The following AMDHD2 variants were observed in gnomAD, a reference collection of about 807,000 sequenced individuals.
The protein encoded by AMDHD2 is amidohydrolase domain containing 2.
Under a neutral mutation model 41.8 loss-of-function variants are expected in AMDHD2, and 24 were observed. The ratio of observed to expected loss-of-function variants is 0.57; its 90% CI spans 0.42 to 0.81. The LOEUF (loss-of-function observed/expected upper bound fraction) is 0.81. Ranked by LOEUF, AMDHD2 falls within the 30% of genes least tolerant of loss-of-function variation. The pLI, the probability that AMDHD2 is intolerant of heterozygous loss-of-function variation, is 0.00. For synonymous variants in AMDHD2, 332 were observed against 255.5 expected (o/e 1.30, Z -2.85); for missense variants, 540 against 588.5 (o/e 0.92, Z 0.85).
At position 2,531,181 on chromosome 16, in the gene AMDHD2, T is replaced by A; in HGVS notation, c.*1618T>A. 2 of 1,397,054 alleles carry A rather than the reference T, an allele frequency of 1.4e-6. No individual in the cohort carries two copies. The highest frequency in any genetic ancestry group is 1.9e-6 in the Non-Finnish European group (2 of 1,038,460). The allele number at this position is 1,397,054 out of a possible 1,614,324, so 86.5% of individuals were successfully genotyped here. On this transcript the variant is annotated 3_prime_UTR_variant, in exon 11 of 11. Coordinates refer to ENST00000293971, the MANE Select transcript of AMDHD2 (RefSeq NM_001330449.2). Reference sequence around the variant, plus strand: ...CAGCCTTTGGGCCTGGCCTGCCCCATTCACCGGCCAGCGCCCCACCTCCCT... The same window carrying A: ...CAGCCTTTGGGCCTGGCCTGCCCCAATCACCGGCCAGCGCCCCACCTCCCT...
Position 2,528,250 on chromosome 16 carries a change from C to T in AMDHD2, c.732C>T (p.Asp244=), listed in dbSNP as rs771282182. 5.6e-6 allele frequency: 9 copies of T among 1,612,166 alleles called. No homozygotes were observed. In the East Asian group the frequency reaches 2.0e-4, roughly 36 times the overall value. ...FNAMLPFHHR[D]PGIVGLLTSD... is the part of the protein sequence containing the mutation. ...CCCCTGCCCAGTTCCACCACCGCGA[C>T]CCAGGCATCGTGGGGCTCCTGACCA... Residue 244 remains aspartate (D), a synonymous_variant, in exon 7 of 11, where the codon GAC becomes GAT. Coordinates refer to ENST00000293971, the MANE Select transcript of AMDHD2 (RefSeq NM_001330449.2).
rs749283846 is a variant in AMDHD2, at chr16:2,527,964, C to T, written c.607C>T (p.Arg203Cys). 4.9e-5 allele frequency: 78 copies of T among 1,603,504 alleles called. No homozygotes were observed. The highest frequency in any genetic ancestry group is 6.4e-5 in the Non-Finnish European group (75 of 1,178,710). The change falls in exon 5 of 11, where the codon CGT becomes TGT. Residue 203 changes from arginine (R) to cysteine (C), a missense_variant. By Grantham distance (180) the Arg-to-Cys change is radical. Transcript: ENST00000293971. The surrounding 1 kb of genome is among the most constrained non-coding windows in gnomAD (Gnocchi z 6.1). ...CGAAGTGATCCGGGCGCTGACGGCC[C>T]GTGGCATCTGCGTGTCCCTAGGTGA... The part of the protein sequence containing the change: ...SHEVIRALTA[R>C]GICVSLGHSV...
chr16:2,521,951 A>AT (rs1295091232), intron 3 of AMDHD2, among the ~76,000 whole-genome samples: 1 of 151,328 alleles, frequency 6.6e-6, no homozygotes, highest in Non-Finnish European at 1.5e-5. Context: ...CGCCCGGCTA[A>AT]TTTTTTGTAT....
chr16:2,520,420 G>C lies in AMDHD2; in HGVS notation c.-39G>C. The C allele has an allele frequency of 8.2e-7, 1 of 1,223,004 alleles. No individual in the cohort carries two copies. Among genetic ancestry groups the C allele is most frequent in the East Asian group, 3.2e-5 (1 of 30,926 alleles). The allele number at this position is 1,223,004 out of a possible 1,614,324, so 75.8% of individuals were successfully genotyped here. On this transcript the variant is annotated 5_prime_UTR_variant, in exon 1 of 11. Transcript: ENST00000293971. ...TCACTGGGCGCGGGATTTGGCCGCC[G>C]CGGGGCTCCGGAGCCGCTCGCTCCC...
chr16:2,525,454 C>T (rs901079292), intron 3 of AMDHD2, among the ~76,000 whole-genome samples: 11 of 151,748 alleles, frequency 7.2e-5, no homozygotes, highest in Non-Finnish European at 2.9e-5. Context: ...GCAACCTCTG[C>T]CTCCTGGGTT....
Position 2,527,502 on chromosome 16 carries a change from G to T in AMDHD2, c.361-59G>T. The T allele has an allele frequency of 1.9e-6, 3 of 1,571,414 alleles. No individual in the cohort carries two copies. The highest frequency in any genetic ancestry group is 2.6e-6 in the Non-Finnish European group (3 of 1,153,242). The stretch of plus-strand genomic sequence containing the variant: ...ACCTGAGATCTCTGGCCTTGGCTAG[G>T]CTGTGGCCTCTGGGAATGGGCTGTG... On this transcript the variant is annotated intron_variant, in intron 3 of 10. Transcript: ENST00000293971. This position sits in a 1 kb window ranked among gnomAD's most constrained non-coding sequence, Gnocchi z 6.1.
chr16:2,528,519 G>A lies in AMDHD2; in HGVS notation c.930G>A (p.Gln310=), dbSNP rs768507444. The stretch of plus-strand genomic sequence containing the variant: ...GCAACGGCCGGCACACGCTGGGACA[G>A]CAGGAAGTGGAAGTGGACGGTCTGA... ...GLGNGRHTLG[Q]QEVEVDGLTA... The change falls in exon 8 of 11, where the codon CAG becomes CAA. Residue 310 remains glutamine, a synonymous_variant. Coordinates refer to ENST00000293971, the MANE Select transcript of AMDHD2 (RefSeq NM_001330449.2). The A allele has an allele frequency of 5.0e-6, 8 of 1,612,864 alleles. No individual in the cohort carries two copies. The highest frequency in any genetic ancestry group is 4.4e-5 in the South Asian group (4 of 91,068).
chr16:2,520,730 C>T, intron 1 of AMDHD2, 39 bp from the exon 2 acceptor site: 1 of 1,500,190 alleles, frequency 6.7e-7, no homozygotes, highest in Non-Finnish European at 8.9e-7. Context: ...GGGCCGAGGT[C>T]AGGCCCGCGA....
intron 3 of AMDHD2, among the ~76,000 whole-genome samples, chr16:2,521,580 GCTT>G: frequency 6.6e-6 from 1 of 152,144 alleles, no homozygotes; most frequent in Non-Finnish European, 1.5e-5. Context: ...CTTGCCCCAC[GCTT>G]CCATTTTCTT....
Position 2,530,492 on chromosome 16 carries a change from GGATTGGTGCAGCCCCACGTCAGGGGT to G in AMDHD2, c.*935_*960del. 6.2e-7 allele frequency: 1 copy of G among 1,614,110 alleles called. No homozygotes were observed. Among genetic ancestry groups the G allele is most frequent in the South Asian group, 1.1e-5 (1 of 91,086 alleles). ...CAGCCACAGTGGGGTCAGACGTCAG[GGATTGGTGCAGCCCCACGTCAGGGGT>G]GATTGTCTTGACTTTCTCTCCATTT... is the stretch of plus-strand genomic sequence containing the variant. On this transcript the variant is annotated 3_prime_UTR_variant, in exon 11 of 11. Transcript: ENST00000293971.
chr16:2,524,572 G>A (rs770863331), intron 3 of AMDHD2, among the ~76,000 whole-genome samples: 1 of 152,174 alleles, frequency 6.6e-6, no homozygotes, highest in Non-Finnish European at 1.5e-5. Context: ...CTCAGCCATT[G>A]TCTTTTTTTG....
At position 2,531,109 on chromosome 16, in the gene AMDHD2, C is replaced by A; in HGVS notation, c.*1546C>A. 1.3e-6 allele frequency: 2 copies of A among 1,544,084 alleles called. No homozygotes were observed. The highest frequency in any genetic ancestry group is 1.8e-6 in the Non-Finnish European group (2 of 1,134,796). ...AACCCAGAGCTGGCATGTTGGTCAT[C>A]CCCACCTCAGACGGGACGCCCAGTC... On this transcript the variant is annotated 3_prime_UTR_variant, in exon 11 of 11. Coordinates refer to ENST00000293971, the MANE Select transcript of AMDHD2 (RefSeq NM_001330449.2).
chr16:2,528,753 C>G (rs2066043347), intron 9 of AMDHD2, 35 bp downstream of exon 9: 2 of 1,606,578 alleles, frequency 1.2e-6, no homozygotes, highest in Non-Finnish European at 1.7e-6. Flanking sequence ...TTTAGGTGGT[C>G]TGTGAGTGGT....
chr16:2,530,139 G>A lies in AMDHD2; in HGVS notation c.*576G>A. On this transcript the variant is annotated 3_prime_UTR_variant, in exon 11 of 11. Coordinates refer to ENST00000293971, the MANE Select transcript of AMDHD2 (RefSeq NM_001330449.2). ...GGGGCTCCGCTCTGACCTCCAGGAG[G>A]GAGACTGGGCCCGGGACCCCTGTTT... 1 of 1,387,310 alleles carries A rather than the reference G, an allele frequency of 7.2e-7. No homozygotes were observed. Among genetic ancestry groups the A allele is most frequent in the Non-Finnish European group, 9.5e-7 (1 of 1,048,960 alleles). 85.9% of individuals were successfully genotyped at this position (1,387,310 alleles called of 1,614,324 possible). A position where few individuals can be genotyped will look rare whatever the true frequency, so the allele number is the denominator to read the frequency against.
At chr16:2,520,722 G>C in intron 1 of AMDHD2, 47 bp from the exon 2 acceptor site, 1 of 1,486,204 alleles carries the variant, frequency 6.7e-7, no homozygotes, top group Non-Finnish European at 8.9e-7. Flanking sequence ...AGGGTGCGGG[G>C]CCGAGGTCAG....
chr16:2,529,411 G>A lies in AMDHD2; in HGVS notation c.1142-64G>A, dbSNP rs1015162815. ...CCCACCAGCGTCGGGTTGTTGGGGA[G>A]CAGCTCTGGGGTAGGTGGGCGGCCC... is the stretch of plus-strand genomic sequence containing the variant. On this transcript the variant is annotated intron_variant, in intron 10 of 10. Coordinates refer to ENST00000293971, the MANE Select transcript of AMDHD2 (RefSeq NM_001330449.2). 41 of 1,594,958 alleles carry A rather than the reference G, an allele frequency of 2.6e-5. No individual in the cohort carries two copies. The African/African-American group carries it at 3.6e-4, about 14-fold the overall frequency.
Position 2,528,988 on chromosome 16 carries a change from A to T in AMDHD2, c.1040-6A>T. ...GGACTGTCACCTAGCTGTGTCCCCC[A>T]AGCAGGCTGCAGCATGGAGTCGGCC... On this transcript the variant is annotated splice_region_variant and splice_polypyrimidine_tract_variant and intron_variant, in intron 9 of 10. Coordinates refer to ENST00000293971, the MANE Select transcript of AMDHD2 (RefSeq NM_001330449.2). 6.4e-7 allele frequency: 1 copy of T among 1,570,806 alleles called. No homozygotes were observed. The highest frequency in any genetic ancestry group is 1.2e-5 in the South Asian group (1 of 85,950).
At chr16:2,521,254 C>T in intron 3 of AMDHD2, 131 bp downstream of exon 3, 3 of 1,235,850 alleles carry the variant, frequency 2.4e-6, no homozygotes, top group Non-Finnish European at 2.1e-6. Flanking sequence ...CCTTTGATGA[C>T]CGGATCTGGG....
chr16:2,524,929 G>A (rs2065984773), intron 3 of AMDHD2, among the ~76,000 whole-genome samples: 1 of 151,496 alleles, frequency 6.6e-6, no homozygotes, highest in African/African-American at 2.4e-5. Flanking sequence ...GGTGTGAAGG[G>A]ATGTGTGGCC....
Sources: allele counts gnomAD v4.1 joint callset (sites outside exome capture counted in the v4.1 genomes callset), GRCh38; gene constraint gnomAD v4.1.1; non-coding constraint Gnocchi (gnomAD v3.1); transcripts MANE v1.5; gene names NCBI Gene and HGNC (gene_info 2026-07-23, HGNC 2026-07-21).